The following RGS9 variants were observed in gnomAD, a reference collection of about 807,000 sequenced individuals.
RGS9 encodes regulator of G protein signaling 9, also known as regulator of G-protein signalling 9.
A neutral mutation model predicts 102.0 loss-of-function variants in RGS9; 78 were observed. That is an observed-to-expected ratio of 0.76 (90% CI 0.64 to 0.92). The LOEUF is 0.92. Among genes scored for constraint, RGS9 ranks in the 40% least tolerant of loss-of-function variants. RGS9 has a pLI of 0.00. For missense variants in RGS9, 833 were observed against 866.1 expected, an observed-to-expected ratio of 0.96 and a Z score of 0.48; for synonymous variants, 353 against 318.6, an observed-to-expected ratio of 1.11 and a Z score of -1.15.
At chr17:65,148,380 G>A (rs1034608603) in intron 1 of RGS9, among the ~76,000 whole-genome samples, 2 of 152,236 alleles carry the variant, frequency 1.3e-5, no homozygotes, top group African/African-American at 4.8e-5. Flanking sequence ...GAACATGGGA[G>A]TGCAGGTATC....
intron 5 of RGS9, 65 bp from the exon 6 acceptor site, chr17:65,160,786 T>G: frequency 6.5e-7 from 1 of 1,531,918 alleles, no homozygotes; most frequent in Non-Finnish European, 9.0e-7. Context: ...AGCCTCAGGC[T>G]TAGGGAGGCT....
chr17:65,170,992 C>T (rs181632149), intron 8 of RGS9, among the ~76,000 whole-genome samples: 14 of 152,304 alleles, frequency 9.2e-5, no homozygotes, highest in Admixed American at 8.5e-4. Flanking sequence ...CCGGAGCTCA[C>T]AGGCTGCCAG....
chr17:65,209,317 G>A (rs1913196205), intron 16 of RGS9, among the ~76,000 whole-genome samples: 1 of 152,206 alleles, frequency 6.6e-6, no homozygotes, highest in African/African-American at 2.4e-5. Flanking sequence ...CAGGGCTGGT[G>A]AGAAATCCAA....
chr17:65,167,246 G>A (rs1334123831), intron 7 of RGS9, among the ~76,000 whole-genome samples: 1 of 152,034 alleles, frequency 6.6e-6, no homozygotes, highest in Non-Finnish European at 1.5e-5. Context: ...TTGTTGCCCA[G>A]GCTGGAGTGC....
intron 1 of RGS9, among the ~76,000 whole-genome samples, chr17:65,146,820 G>T (rs556422408): frequency 6.6e-6 from 1 of 152,278 alleles, no homozygotes; most frequent in African/African-American, 2.4e-5. Context: ...AGCCCAGGAG[G>T]TGGAGGTTAC....
intron 17 of RGS9, among the ~76,000 whole-genome samples, chr17:65,223,773 TGGA>T (rs1905475404): frequency 1.4e-5 from 2 of 146,172 alleles, no homozygotes; most frequent in Non-Finnish European, 3.1e-5. Flanking sequence ...TTTTTTAAGA[TGGA>T]GTTTTGCTCT....
chr17:65,167,674 A>T (rs1771616843), intron 7 of RGS9, among the ~76,000 whole-genome samples: 1 of 152,148 alleles, frequency 6.6e-6, no homozygotes, highest in Non-Finnish European at 1.5e-5. Context: ...GACGTTGACT[A>T]TGTTGTTTGC....
chr17:65,201,453 A>C (rs937292077), intron 13 of RGS9, among the ~76,000 whole-genome samples: 1 of 152,230 alleles, frequency 6.6e-6, no homozygotes, highest in Non-Finnish European at 1.5e-5. Context: ...TTCTCTAAGC[A>C]CAGCCAAACA....
chr17:65,202,808 T>C (rs1404918228), intron 14 of RGS9, among the ~76,000 whole-genome samples: 2 of 151,936 alleles, frequency 1.3e-5, no homozygotes, highest in South Asian at 2.1e-4. Flanking sequence ...AAAGCCACAC[T>C]CCCCCTCCCC....
At chr17:65,196,772 G>C (rs1294988754) in intron 12 of RGS9, among the ~76,000 whole-genome samples, 2 of 152,226 alleles carry the variant, frequency 1.3e-5, no homozygotes, top group East Asian at 3.8e-4. Flanking sequence ...TCCTAGTCCA[G>C]GTGGCAGCCT....
chr17:65,175,553 G>T (rs1911593838), intron 8 of RGS9, among the ~76,000 whole-genome samples: 1 of 152,160 alleles, frequency 6.6e-6, no homozygotes, highest in Admixed American at 6.6e-5. Context: ...AGTAATGCCT[G>T]CTGGGGAGCA....
chr17:65,178,897 T>C (rs1483340998), intron 9 of RGS9, among the ~76,000 whole-genome samples: 1 of 152,168 alleles, frequency 6.6e-6, no homozygotes, highest in Non-Finnish European at 1.5e-5. Context: ...GTACCTCCAT[T>C]CCTCTCCCTG....
At position 65,169,853 on chromosome 17, in the gene RGS9, C is replaced by A. The variant is rs538680427; in HGVS notation, c.582+1572C>A. On this transcript the variant is annotated intron_variant, in intron 8 of 18. Coordinates refer to ENST00000262406, the MANE Select transcript of RGS9 (RefSeq NM_003835.4). ...CCCAGCCCATCTCCACCACCATGAC[C>A]GTCATCCCACCTCCCACTCCCTCAC... Among the ~76,000 whole-genome samples, 3 of 151,974 alleles carry A rather than the reference C, an allele frequency of 2.0e-5. No individual in the cohort carries two copies. In the South Asian group the frequency reaches 6.2e-4, roughly 32 times the overall value.
chr17:65,169,070 C>T (rs1911308823), intron 8 of RGS9, among the ~76,000 whole-genome samples: 1 of 152,232 alleles, frequency 6.6e-6, no homozygotes, highest in Non-Finnish European at 1.5e-5. Flanking sequence ...TCTTCCTCCT[C>T]TTCCTTTAGC....
chr17:65,186,162 T>TTTTATTTA (rs60422854), intron 9 of RGS9, among the ~76,000 whole-genome samples: 5,500 of 137,996 alleles, frequency 0.04, 127 homozygotes, highest in African/African-American at 0.048. Context: ...TTGGTTTACA[T>TTTTATTTA]TTTATTTATT....
chr17:65,177,056 TCCA>T (rs1911660499), intron 8 of RGS9, among the ~76,000 whole-genome samples: 4 of 4,032 alleles, frequency 9.9e-4, no homozygotes, highest in Non-Finnish European at 1.5e-3. Context: ...CATTTGTTTG[TCCA>T]TCCATCCATC....
At chr17:65,207,898 C>T (rs1913129689) in intron 15 of RGS9, 24 bp from the exon 16 acceptor site, 2 of 1,541,792 alleles carry the variant, frequency 1.3e-6, no homozygotes, top group Non-Finnish European at 1.8e-6. Flanking sequence ...CTCATAATTA[C>T]TGTTGTTTTC....
chr17:65,217,295 T>A (rs574280425), intron 17 of RGS9, among the ~76,000 whole-genome samples: 1 of 152,246 alleles, frequency 6.6e-6, no homozygotes, highest in Non-Finnish European at 1.5e-5. Flanking sequence ...CATCCCCTGC[T>A]GTGGACCTGG....
intron 1 of RGS9, among the ~76,000 whole-genome samples, chr17:65,142,722 A>G (rs1910205748): frequency 6.6e-6 from 1 of 151,834 alleles, no homozygotes; most frequent in Non-Finnish European, 1.5e-5. Context: ...AGCTGGGGAT[A>G]CTGGGACCTG....
Sources: gnomAD v4.1 joint callset for allele counts (sites outside exome capture counted in the v4.1 genomes callset) on GRCh38, gnomAD v4.1.1 for gene constraint, MANE v1.5 for transcripts, NCBI Gene and HGNC (gene_info 2026-07-23, HGNC 2026-07-21) for gene names.